Variants in MTMR3 observed in about 807,000 individuals in gnomAD.
The protein encoded by MTMR3 is phosphatidylinositol-3,5-bisphosphate 3-phosphatase MTMR3.
A neutral mutation model predicts 132.4 loss-of-function variants in MTMR3; 32 were observed. The ratio of observed to expected loss-of-function variants is 0.24; its 90% CI spans 0.18 to 0.32. The LOEUF (loss-of-function observed/expected upper bound fraction) is 0.32. Among genes scored for constraint, MTMR3 ranks in the 10% least tolerant of loss-of-function variants. The pLI is 1.00. For missense variants in MTMR3, 1,216 were observed against 1,489.6 expected (o/e 0.82, Z 3.02); for synonymous variants, 556 against 550.3 (o/e 1.01, Z -0.14).
Position 29,979,070 on chromosome 22 carries a change from G to C in MTMR3, c.210+18G>C, listed in dbSNP as rs756988188. On this transcript the variant is annotated intron_variant, in intron 5 of 19. Transcript: ENST00000401950. ...TTGTTAATGTAAGTGATTACCAGCT[G>C]TTCTCCCTCTAAGGTAAATGGAGAA... The C allele has an allele frequency of 2.7e-6, 4 of 1,507,950 alleles. No individual in the cohort carries two copies. The African/African-American group carries it at 5.5e-5, about 21-fold the overall frequency. The allele number at this position is 1,507,950 out of a possible 1,614,324, so 93.4% of individuals were successfully genotyped here.
intron 1 of MTMR3, among the ~76,000 whole-genome samples, chr22:29,937,501 T>A (rs1291306994): frequency 6.6e-6 from 1 of 152,052 alleles, no homozygotes; most frequent in Non-Finnish European, 1.5e-5. Context: ...ACTGCAGGCT[T>A]GAGCTCCTGG....
chr22:30,026,129 G>A lies in MTMR3; in HGVS notation c.*328G>A, dbSNP rs1039430668. On this transcript the variant is annotated 3_prime_UTR_variant, in exon 20 of 20. Transcript: ENST00000401950. ...GCTGCCTGCTGTCACGTGACACTGA[G>A]GGATGGCTTGTTTCTTCCGGGTGGG... 2 of 273,046 alleles carry A rather than the reference G, an allele frequency of 7.3e-6. No individual in the cohort carries two copies. Among genetic ancestry groups the A allele is most frequent in the African/African-American group, 2.2e-5 (1 of 46,130 alleles). The allele number at this position is 273,046 out of a possible 1,614,324, so 16.9% of individuals were successfully genotyped here. A position where few individuals can be genotyped will look rare whatever the true frequency, so the allele number is the denominator to read the frequency against.
At chr22:29,980,485 G>T (rs1239152605) in intron 5 of MTMR3, 1 of 152,220 alleles carries the variant, frequency 6.6e-6, no homozygotes, top group African/African-American at 2.4e-5. Context: ...GGAGGGGAAA[G>T]GGGGGAAACA....
intron 3 of MTMR3, among the ~76,000 whole-genome samples, chr22:29,976,552 T>A (rs1240677610): frequency 6.6e-6 from 1 of 152,228 alleles, no homozygotes; most frequent in African/African-American, 2.4e-5. Flanking sequence ...ATTTAATAAA[T>A]AGAATTTATA....
Position 30,027,688 on chromosome 22 carries a change from T to C in MTMR3, c.*1887T>C, listed in dbSNP as rs979540869. On this transcript the variant is annotated 3_prime_UTR_variant, in exon 20 of 20. Coordinates refer to ENST00000401950, the MANE Select transcript of MTMR3 (RefSeq NM_021090.4). Reference sequence around the variant, plus strand: ...AGCACTTTTTTATTAATATTTTCCTTTGTTAAAGGAGGAACCGTAACTCTC... The same window carrying C: ...AGCACTTTTTTATTAATATTTTCCTCTGTTAAAGGAGGAACCGTAACTCTC... The C allele has an allele frequency of 2.6e-5, 4 of 152,788 alleles. No homozygotes were observed. Among genetic ancestry groups the C allele is most frequent in the African/African-American group, 7.2e-5 (3 of 41,464 alleles). 9.5% of individuals were successfully genotyped at this position (152,788 alleles called of 1,614,324 possible).
Position 30,020,250 on chromosome 22 carries a change from A to T in MTMR3, c.2591A>T (p.His864Leu). The change falls in exon 17 of 20, where the codon CAT becomes CTT. Residue 864 changes from histidine (H) to leucine (L), a missense_variant. His to Leu is a moderately conservative substitution (Grantham distance 99). Coordinates refer to ENST00000401950, the MANE Select transcript of MTMR3 (RefSeq NM_021090.4). ...VKSVSGPQGH[H>L]RSCLVNSGKD... ...TCAGTAAGTGGGCCCCAAGGTCATC[A>T]TAGATCTTGCCTTGTAAATAGTGGC... 1.2e-6 allele frequency: 2 copies of T among 1,614,234 alleles called. No homozygotes were observed. The highest frequency in any genetic ancestry group is 2.2e-5 in the East Asian group (1 of 44,878).
intron 1 of MTMR3, among the ~76,000 whole-genome samples, chr22:29,906,245 CGTCTGTCTGTCT>C (rs57375920): frequency 0.11 from 11,365 of 106,670 alleles, 1,007 homozygotes; most frequent in African/African-American, 0.23. Context: ...TCCATCCATC[CGTCTGTCTGTCT>C]GTCTGTCTGT....
At chr22:29,906,525 G>T (rs941702940) in intron 1 of MTMR3, among the ~76,000 whole-genome samples, 1 of 151,618 alleles carries the variant, frequency 6.6e-6, no homozygotes, top group African/African-American at 2.4e-5. Context: ...TAATAGAGAC[G>T]GAGTTTCACC....
At chr22:30,023,309 C>T (rs2067815178) in intron 19 of MTMR3, 2 of 756,994 alleles carry the variant, frequency 2.6e-6, no homozygotes, top group Non-Finnish European at 4.7e-6. Flanking sequence ...CATGCCATAG[C>T]TCACCCACAC....
chr22:29,893,838 CTATTT>C (rs2145710073), intron 1 of MTMR3, among the ~76,000 whole-genome samples: 1 of 151,802 alleles, frequency 6.6e-6, no homozygotes, highest in East Asian at 1.9e-4. Context: ...GGAAAAACTG[CTATTT>C]TATTTTATTT....
chr22:29,980,819 T>G (rs1416157660), intron 5 of MTMR3: 1 of 152,238 alleles, frequency 6.6e-6, no homozygotes, highest in African/African-American at 2.4e-5. Context: ...CTTAAAGCCC[T>G]TCAGTGTTTC....
At chr22:29,921,881 C>T (rs1315340375) in intron 1 of MTMR3, among the ~76,000 whole-genome samples, 1 of 146,770 alleles carries the variant, frequency 6.8e-6, no homozygotes, top group African/African-American at 2.5e-5. Flanking sequence ...CAGAGTGTCA[C>T]TCTATTGCCC....
chr22:30,002,649 A>T, intron 8 of MTMR3: 1 of 444,234 alleles, frequency 2.3e-6, no homozygotes, highest in Non-Finnish European at 4.1e-6. Context: ...CATTTGTTGT[A>T]TACACATAAG....
Position 29,978,546 on chromosome 22 carries a change from CT to C in MTMR3, c.93+19del, listed in dbSNP as rs779113806. Reference sequence around the variant, plus strand: ...AGAATCTTCAGGTAATTATAGGCCACTTTTAAATGTAAAATATTTATTTAGC... The same window carrying C: ...AGAATCTTCAGGTAATTATAGGCCACTTTAAATGTAAAATATTTATTTAGC... On this transcript the variant is annotated intron_variant, in intron 4 of 19. Transcript: ENST00000401950. 1 of 1,592,020 alleles carries C rather than the reference CT, an allele frequency of 6.3e-7. No individual in the cohort carries two copies. The highest frequency in any genetic ancestry group is 8.6e-7 in the Non-Finnish European group (1 of 1,160,522).
intron 7 of MTMR3, 195 bp from the exon 8 acceptor site, chr22:29,998,566 C>T (rs1041113482): frequency 2.3e-5 from 6 of 265,914 alleles, no homozygotes; most frequent in Admixed American, 5.3e-5. Flanking sequence ...TCACTTGAAC[C>T]TGGGAGGCGG....
intron 1 of MTMR3, among the ~76,000 whole-genome samples, chr22:29,925,056 C>T (rs956227542): frequency 2.6e-5 from 4 of 152,062 alleles, no homozygotes; most frequent in Non-Finnish European, 5.9e-5. Context: ...TTTTTGGAGA[C>T]AGAGCAAACT....
chr22:30,001,947 C>T (rs2067184098), intron 8 of MTMR3: 1 of 152,088 alleles, frequency 6.6e-6, no homozygotes, highest in South Asian at 2.1e-4. Flanking sequence ...TTGTGTTTTT[C>T]TGCGCTTTCT....
rs1367571575 is a variant in MTMR3 at position 30,030,431 on chromosome 22, C to T, written c.*4630C>T. 1 of 151,938 alleles carries T rather than the reference C, an allele frequency of 6.6e-6. No homozygotes were observed. The highest frequency in any genetic ancestry group is 1.5e-5 in the Non-Finnish European group (1 of 67,968). The allele number at this position is 151,938 out of a possible 1,614,324, so 9.4% of individuals were successfully genotyped here. A position where few individuals can be genotyped will look rare whatever the true frequency, so the allele number is the denominator to read the frequency against. ...ATGTTGCTGCTGACAGTAGTGCTTG[C>T]CTATTGTAACAGCATTGGTTCTGCT... On this transcript the variant is annotated 3_prime_UTR_variant, in exon 20 of 20. Transcript: ENST00000401950.
At chr22:29,903,000 A>G (rs990861785) in intron 1 of MTMR3, among the ~76,000 whole-genome samples, 6 of 152,210 alleles carry the variant, frequency 3.9e-5, no homozygotes, top group African/African-American at 1.2e-4. Flanking sequence ...AGGAGGGCAG[A>G]TCACTTGAGG....
Sources: gnomAD v4.1 joint callset for allele counts (sites outside exome capture counted in the v4.1 genomes callset) on GRCh38, gnomAD v4.1.1 for gene constraint, MANE v1.5 for transcripts, NCBI Gene and HGNC (gene_info 2026-07-23, HGNC 2026-07-21) for gene names.